MEI4: variants seen among roughly 807,000 people sequenced by gnomAD.
MEI4 encodes meiosis-specific protein MEI4.
Under a neutral mutation model 31.4 loss-of-function variants are expected in MEI4, and 27 were observed. The observed-to-expected ratio is 0.86, with a 90% CI of 0.63 to 1.19. MEI4 has a LOEUF of 1.19. Ranked by LOEUF, MEI4 falls within the 50% of genes most tolerant of loss-of-function variation. The pLI is 0.00. For missense variants in MEI4, 329 were observed against 398.9 expected, an observed-to-expected ratio of 0.82 and a Z score of 1.49; for synonymous variants, 122 against 145.4, an observed-to-expected ratio of 0.84 and a Z score of 1.16.
chr6:77,702,130 C>T (rs1766240233), intron 2 of MEI4, among the ~76,000 whole-genome samples: 1 of 148,598 alleles, frequency 6.7e-6, no homozygotes, highest in African/African-American at 2.4e-5. Flanking sequence ...CTGACAGATC[C>T]AGAATGGAGC....
chr6:77,859,950 T>C (rs1454082065), intron 4 of MEI4, among the ~76,000 whole-genome samples: 3 of 152,168 alleles, frequency 2.0e-5, no homozygotes, highest in African/African-American at 7.2e-5. Flanking sequence ...CTGAACTGAT[T>C]TTATTAGCTT....
intron 2 of MEI4, among the ~76,000 whole-genome samples, chr6:77,744,673 T>C (rs1464481787): frequency 6.6e-6 from 1 of 152,102 alleles, no homozygotes; most frequent in Non-Finnish European, 1.5e-5. Flanking sequence ...ATTGTCAGAT[T>C]CACCAAAGTT....
At chr6:77,741,844 C>T (rs1465468583) in intron 2 of MEI4, among the ~76,000 whole-genome samples, 5 of 144,674 alleles carry the variant, frequency 3.5e-5, no homozygotes, top group African/African-American at 1.3e-4. Context: ...TGTTCAATTC[C>T]CACCTATGAG....
chr6:77,788,290 A>G (rs1318931500), intron 3 of MEI4, among the ~76,000 whole-genome samples: 3 of 152,232 alleles, frequency 2.0e-5, no homozygotes, highest in Non-Finnish European at 4.4e-5. Context: ...GCCCACAGCC[A>G]ATATCATACT....
chr6:77,827,177 G>A (rs575705051), intron 3 of MEI4, among the ~76,000 whole-genome samples: 10 of 151,794 alleles, frequency 6.6e-5, no homozygotes, highest in South Asian at 2.1e-4. Context: ...TGGCTAACAC[G>A]GTGAAACCCT....
chr6:77,868,089 G>A (rs182184140), intron 4 of MEI4, among the ~76,000 whole-genome samples: 1 of 145,872 alleles, frequency 6.9e-6, no homozygotes, highest in African/African-American at 2.5e-5. Flanking sequence ...GTGGGAGGAG[G>A]GATAGCATTA....
intron 4 of MEI4, among the ~76,000 whole-genome samples, chr6:77,862,646 G>C (rs1235974888): frequency 6.6e-6 from 1 of 152,186 alleles, no homozygotes; most frequent in African/African-American, 2.4e-5. Context: ...TCCACCTCTG[G>C]GGGCAGGGCA....
intron 3 of MEI4, among the ~76,000 whole-genome samples, chr6:77,813,950 G>C (rs536073785): frequency 6.6e-5 from 10 of 151,964 alleles, no homozygotes; most frequent in African/African-American, 2.4e-4. Flanking sequence ...ATCATAAGTA[G>C]GACAAGAGAA....
At chr6:77,739,931 A>G (rs1254071055) in intron 2 of MEI4, among the ~76,000 whole-genome samples, 1 of 152,072 alleles carries the variant, frequency 6.6e-6, no homozygotes, top group East Asian at 1.9e-4. Flanking sequence ...TCTGATGTGG[A>G]TGTTTAATGC....
chr6:77,786,596 G>A (rs1768742060), intron 3 of MEI4, among the ~76,000 whole-genome samples: 2 of 152,032 alleles, frequency 1.3e-5, no homozygotes. Flanking sequence ...AAGTAATAAG[G>A]CTTAGAAGGG....
chr6:77,688,650 A>G (rs986178278), intron 1 of MEI4, among the ~76,000 whole-genome samples: 1 of 152,136 alleles, frequency 6.6e-6, no homozygotes, highest in Non-Finnish European at 1.5e-5. Context: ...TCTTGTGCTA[A>G]TAAACTGTTT....
rs61469602 is a variant in MEI4 at position 77,845,896 on chromosome 6, T to A, written c.900+16834T>A. Among the ~76,000 whole-genome samples the A allele has an allele frequency of 9.1e-3, 1,385 of 151,894 alleles. 17 individuals are homozygous for A. Among genetic ancestry groups the A allele is most frequent in the African/African-American group, 0.031 (1,282 of 41,504 alleles). On this transcript the variant is annotated intron_variant, in intron 4 of 4. Coordinates refer to ENST00000684080, the MANE Select transcript of MEI4 (RefSeq NM_001322247.2). ...AAACAGAAGTCTTGTTTTTTTTTTTTTTCTTTTAAGCTGAAGAAACATTTT... is the reference window on the plus strand; with the variant it reads ...AAACAGAAGTCTTGTTTTTTTTTTTATTCTTTTAAGCTGAAGAAACATTTT...
chr6:77,735,653 C>G (rs905017412), intron 2 of MEI4, among the ~76,000 whole-genome samples: 2 of 152,060 alleles, frequency 1.3e-5, no homozygotes, highest in Non-Finnish European at 2.9e-5. Flanking sequence ...CATTCTCTGT[C>G]CAGCTTTGTT....
rs139812560 is a variant in MEI4, at chr6:77,876,695, G to A, written c.901-46394G>A. On this transcript the variant is annotated intron_variant, in intron 4 of 4. Coordinates refer to ENST00000684080, the MANE Select transcript of MEI4 (RefSeq NM_001322247.2). ...GTTTCCTCTGCCTTCCCTTAAATGC[G>A]GTGCACCTCTCCTTATATAATGTCT... 2.3e-3 allele frequency among the ~76,000 whole-genome samples: 354 copies of A among 152,108 alleles called. 1 individual carries two copies. Among genetic ancestry groups the A allele is most frequent in the African/African-American group, 7.5e-3 (312 of 41,516 alleles).
At chr6:77,906,879 G>C (rs1325567835) in intron 4 of MEI4, among the ~76,000 whole-genome samples, 2 of 152,116 alleles carry the variant, frequency 1.3e-5, no homozygotes, top group African/African-American at 2.4e-5. Flanking sequence ...GCTCTCTATG[G>C]CTGCTATGCT....
At chr6:77,704,633 GTT>G (rs1222273603) in intron 2 of MEI4, among the ~76,000 whole-genome samples, 2 of 152,180 alleles carry the variant, frequency 1.3e-5, no homozygotes, top group Non-Finnish European at 2.9e-5. Flanking sequence ...GGGCTCAGCA[GTT>G]TGTGGCTTAA....
intron 2 of MEI4, among the ~76,000 whole-genome samples, chr6:77,749,274 ATGAAT>A (rs1767702191): frequency 6.6e-6 from 1 of 152,168 alleles, no homozygotes; most frequent in African/African-American, 2.4e-5. Flanking sequence ...AATGGGTTTG[ATGAAT>A]TGACAGAAGT....
At chr6:77,751,847 C>G (rs1767783587) in intron 2 of MEI4, among the ~76,000 whole-genome samples, 1 of 152,168 alleles carries the variant, frequency 6.6e-6, no homozygotes, top group South Asian at 2.1e-4. Flanking sequence ...CCCTGATGAA[C>G]ATCAACACGA....
intron 3 of MEI4, among the ~76,000 whole-genome samples, chr6:77,808,181 A>G (rs769110353): frequency 9.2e-5 from 14 of 152,214 alleles, no homozygotes; most frequent in Non-Finnish European, 1.0e-4. Flanking sequence ...TGAAATGTCA[A>G]TATTCACTAA....
Sources: gnomAD v4.1 joint callset for allele counts (sites outside exome capture counted in the v4.1 genomes callset) on GRCh38, gnomAD v4.1.1 for gene constraint, MANE v1.5 for transcripts, NCBI Gene and HGNC (gene_info 2026-07-23, HGNC 2026-07-21) for gene names.